DNAJC16: variants seen among roughly 807,000 people sequenced by gnomAD.
DNAJC16 encodes DnaJ heat shock protein family (Hsp40) member C16, also known as dnaJ homolog subfamily C member 16.
DNAJC16 carries 76 observed loss-of-function variants against 92.7 expected under a neutral mutation model. That is an observed-to-expected ratio of 0.82 (90% CI 0.68 to 0.99). The LOEUF is 0.99. DNAJC16 is among the 50% of genes least tolerant of loss of function. DNAJC16 has a pLI of 0.00. For missense variants in DNAJC16, 869 were observed against 942.4 expected (o/e 0.92, Z 1.02); for synonymous variants, 328 against 358.7 (o/e 0.91, Z 0.97).
chr1:15,567,184 C>A lies in DNAJC16; in HGVS notation c.1864C>A (p.His622Asn). 1 of 1,614,174 alleles carries A rather than the reference C, an allele frequency of 6.2e-7. No homozygotes were observed. The highest frequency in any genetic ancestry group is 1.6e-4 in the Middle Eastern group (1 of 6,062). Reference sequence around the variant, plus strand: ...TAACTTGGTACGTCTGAGGCCAGGCCACATGAATGTGGTCCTCATCCTGTC... The same window carrying A: ...TAACTTGGTACGTCTGAGGCCAGGCAACATGAATGTGGTCCTCATCCTGTC... Reference protein sequence around the residue: ...TSNLVRLRPGHMNVVLILSNS... With the variant: ...TSNLVRLRPGNMNVVLILSNS... The change falls in exon 14 of 15, where the codon CAC (histidine) becomes AAC (asparagine). Residue 622 changes from histidine to asparagine, a missense_variant. By Grantham distance (68) the His-to-Asn change is moderately conservative. Coordinates refer to ENST00000375847, the MANE Select transcript of DNAJC16 (RefSeq NM_015291.4).
At chr1:15,546,895 G>C (rs372278283) in intron 6 of DNAJC16, 24 bp downstream of exon 6, 1 of 1,394,624 alleles carries the variant, frequency 7.2e-7, no homozygotes, top group Non-Finnish European at 9.7e-7. Context: ...TAGGATAATG[G>C]TTTCTTTTTC....
At chr1:15,556,941 A>C (rs1378385869) in intron 7 of DNAJC16, among the ~76,000 whole-genome samples, 1 of 152,158 alleles carries the variant, frequency 6.6e-6, no homozygotes, top group Non-Finnish European at 1.5e-5. Flanking sequence ...CATCCATTAG[A>C]TTATTCTGAT....
intron 7 of DNAJC16, among the ~76,000 whole-genome samples, chr1:15,552,634 ATTTTAATTTTTTTGT>A (rs1040070561): frequency 3.3e-5 from 5 of 151,840 alleles, no homozygotes; most frequent in Admixed American, 6.6e-5. Flanking sequence ...TCTTTTTTTT[ATTTTAATTTTTTTGT>A]TTTTAATTTT....
intron 7 of DNAJC16, among the ~76,000 whole-genome samples, chr1:15,558,949 T>C (rs116046573): frequency 0.016 from 2,389 of 152,302 alleles, 32 homozygotes; most frequent in Non-Finnish European, 0.023. Context: ...TTGGTTTTGT[T>C]TTGTTTTTGA....
chr1:15,548,582 C>T (rs115190042), intron 7 of DNAJC16, among the ~76,000 whole-genome samples, 154 bp downstream of exon 7: 182 of 152,124 alleles, frequency 1.2e-3, no homozygotes, highest in African/African-American at 4.0e-3. Flanking sequence ...AACTTGGTAC[C>T]GTTTGCTTTA....
At chr1:15,556,062 G>A (rs1418890079) in intron 7 of DNAJC16, among the ~76,000 whole-genome samples, 1 of 150,328 alleles carries the variant, frequency 6.7e-6, no homozygotes, top group Non-Finnish European at 1.5e-5. Context: ...TGGAGGCTGA[G>A]GTGGGAGGAC....
intron 2 of DNAJC16, among the ~76,000 whole-genome samples, chr1:15,530,630 T>C (rs1337303815): frequency 3.3e-5 from 5 of 152,220 alleles, no homozygotes; most frequent in South Asian, 2.1e-4. Context: ...GCTAATCTCC[T>C]GGTTCTATAC....
chr1:15,557,740 T>G (rs1296799349), intron 7 of DNAJC16, among the ~76,000 whole-genome samples: 3 of 151,832 alleles, frequency 2.0e-5, no homozygotes, highest in East Asian at 3.9e-4. Context: ...TTTGGTTTTT[T>G]TTTTTTCTTT....
Position 15,548,332 on chromosome 1 carries a change from G to T in DNAJC16, c.927G>T (p.Gly309=), listed in dbSNP as rs147700357. The T allele has an allele frequency of 1.2e-6, 2 of 1,614,154 alleles. No individual in the cohort carries two copies. Among genetic ancestry groups the T allele is most frequent in the Non-Finnish European group, 1.7e-6 (2 of 1,180,020 alleles). ...GATATGTATATGTGGGTTTGAGAGG[G>T]ACGGAAGAGATGACAAGGCGGTACA... ...SFGYVYVGLR[G]TEEMTRRYNI... Residue 309 remains glycine (G), a synonymous_variant, in exon 7 of 15, where the codon GGG becomes GGT. Transcript: ENST00000375847.
chr1:15,561,455 C>T (rs2103425146), intron 8 of DNAJC16, among the ~76,000 whole-genome samples: 1 of 152,198 alleles, frequency 6.6e-6, no homozygotes, highest in African/African-American at 2.4e-5. Context: ...GGGGCTGAGG[C>T]AGGCGGATCA....
rs757958441 is a variant in DNAJC16 at position 15,564,340 on chromosome 1, A to G, written c.1579A>G (p.Ser527Gly). The G allele has an allele frequency of 1.3e-5, 21 of 1,607,408 alleles. No homozygotes were observed. The highest frequency in any genetic ancestry group is 1.6e-4 in the Middle Eastern group (1 of 6,072). ...ASDYISDCWDSIFHNNWREMM... is the reference protein window; with the variant it reads ...ASDYISDCWDGIFHNNWREMM... ...TGACTACATCTCAGACTGCTGGGAT[A>G]GCATTTTTCACAACAACTGGTAGGG... is the stretch of plus-strand genomic sequence containing the variant. Residue 527 changes from serine (S) to glycine (G), a missense_variant, in exon 11 of 15, where the codon AGC (serine) becomes GGC (glycine). Coordinates refer to ENST00000375847, the MANE Select transcript of DNAJC16 (RefSeq NM_015291.4).
Position 15,567,995 on chromosome 1 carries a change from A to G in DNAJC16, c.2167A>G (p.Ile723Val). ...PQKTVEEEEAIGSCSDVDSSL... is the reference protein window; with the variant it reads ...PQKTVEEEEAVGSCSDVDSSL... Reference sequence around the variant, plus strand: ...AAAGACAGTCGAAGAGGAGGAAGCCATAGGGTCGTGCAGTGATGTTGACTC... The same window carrying G: ...AAAGACAGTCGAAGAGGAGGAAGCCGTAGGGTCGTGCAGTGATGTTGACTC... The change falls in exon 15 of 15, where the codon ATA becomes GTA. Residue 723 changes from isoleucine to valine, a missense_variant. Ile to Val is a conservative substitution (Grantham distance 29). Coordinates refer to ENST00000375847, the MANE Select transcript of DNAJC16 (RefSeq NM_015291.4). The G allele has an allele frequency of 6.2e-7, 1 of 1,614,240 alleles. No individual in the cohort carries two copies.
chr1:15,545,172 G>A (rs761948720), intron 5 of DNAJC16, among the ~76,000 whole-genome samples: 8 of 152,032 alleles, frequency 5.3e-5, no homozygotes, highest in Non-Finnish European at 8.8e-5. Flanking sequence ...CACCTAATAT[G>A]TTTTTTTCAA....
intron 4 of DNAJC16, among the ~76,000 whole-genome samples, chr1:15,544,185 C>CACACACACAT (rs995957267): frequency 6.8e-6 from 1 of 147,902 alleles, no homozygotes; most frequent in African/African-American, 2.5e-5. Context: ...CACACACACA[C>CACACACACAT]ATTTGTAACT....
intron 7 of DNAJC16, among the ~76,000 whole-genome samples, chr1:15,554,594 T>G (rs956800342): frequency 8.5e-5 from 13 of 152,242 alleles, no homozygotes; most frequent in African/African-American, 3.1e-4. Context: ...GGGAAAGGTT[T>G]TTTTTCCTTC....
intron 8 of DNAJC16, chr1:15,560,075 A>AG (rs1638657651): frequency 6.5e-6 from 1 of 154,038 alleles, no homozygotes; most frequent in African/African-American, 2.4e-5. Flanking sequence ...AAAAAAAAAA[A>AG]AAAAAAAACA....
Position 15,567,976 on chromosome 1 carries a change from A to G in DNAJC16, c.2148A>G (p.Thr716=). The G allele has an allele frequency of 1.2e-6, 2 of 1,614,232 alleles. No homozygotes were observed. Reference sequence around the variant, plus strand: ...TCTGCCTCTTCAAGCCCCAAAAGACAGTCGAAGAGGAGGAAGCCATAGGGT... The same window carrying G: ...TCTGCCTCTTCAAGCCCCAAAAGACGGTCGAAGAGGAGGAAGCCATAGGGT... The part of the protein sequence containing the change: ...KYFCLFKPQK[T]VEEEEAIGSC... The change falls in exon 15 of 15, where the codon ACA becomes ACG. Residue 716 remains threonine, a synonymous_variant. Coordinates refer to ENST00000375847, the MANE Select transcript of DNAJC16 (RefSeq NM_015291.4).
At chr1:15,558,441 C>T (rs1217475139) in intron 7 of DNAJC16, among the ~76,000 whole-genome samples, 1 of 152,104 alleles carries the variant, frequency 6.6e-6, no homozygotes, top group Non-Finnish European at 1.5e-5. Context: ...CCTGCTTCGG[C>T]CTCCCAAAGT....
At chr1:15,530,967 C>T (rs752072777) in intron 2 of DNAJC16, among the ~76,000 whole-genome samples, 19 of 152,218 alleles carry the variant, frequency 1.2e-4, no homozygotes, top group African/African-American at 3.6e-4. Flanking sequence ...GGATTACAGA[C>T]GTGAGCTACC....
Sources: gnomAD v4.1 joint callset for allele counts (sites outside exome capture counted in the v4.1 genomes callset) on GRCh38, gnomAD v4.1.1 for gene constraint, MANE v1.5 for transcripts, NCBI Gene and HGNC (gene_info 2026-07-23, HGNC 2026-07-21) for gene names.